Variants in DRC3 observed in about 807,000 individuals in gnomAD.
The protein encoded by DRC3 is leucine rich repeat containing 48.
A neutral mutation model predicts 57.6 loss-of-function variants in DRC3; 45 were observed. The observed-to-expected ratio is 0.78, with a 90% confidence interval of 0.62 to 1.00. DRC3 has a LOEUF of 1.00. Ranked by LOEUF, DRC3 falls within the 50% of genes least tolerant of loss-of-function variation. The pLI is 0.00. For missense variants in DRC3, 655 were observed against 675.2 expected, an observed-to-expected ratio of 0.97 and a Z score of 0.33; for synonymous variants, 257 against 272.3, an observed-to-expected ratio of 0.94 and a Z score of 0.55.
Position 17,997,051 on chromosome 17 carries a change from A to G in DRC3, c.825-409A>G, listed in dbSNP as rs562878842. On this transcript the variant is annotated intron_variant, in intron 8 of 13. Transcript: ENST00000399187. ...CCTCAGTAAGGGTGCCCTTCCAGATAGCACACCAGAGACAGAAACGCACAC... is the reference window on the plus strand; with the variant it reads ...CCTCAGTAAGGGTGCCCTTCCAGATGGCACACCAGAGACAGAAACGCACAC... Among the ~76,000 whole-genome samples the G allele has an allele frequency of 2.6e-5, 4 of 152,224 alleles. No individual in the cohort carries two copies. The East Asian group carries it at 7.7e-4, about 29-fold the overall frequency.
In DRC3 at chr17:18,007,154, G is replaced by A. The variant is rs757403951; in HGVS notation, c.1326+7G>A. On this transcript the variant is annotated splice_region_variant and intron_variant, in intron 12 of 13. Coordinates refer to ENST00000399187, the MANE Select transcript of DRC3 (RefSeq NM_031294.4). ...GCCTAACGACCTGCGCGCGGTAGGC[G>A]GGGCGGGCTGCTCGGAGCCTGACAG... is the stretch of plus-strand genomic sequence containing the variant. The A allele has an allele frequency of 3.0e-6, 3 of 999,234 alleles. No individual in the cohort carries two copies. The highest frequency in any genetic ancestry group is 4.3e-6 in the Non-Finnish European group (3 of 703,912). The allele number at this position is 999,234 out of a possible 1,614,324, so 61.9% of individuals were successfully genotyped here. A position where few individuals can be genotyped will look rare whatever the true frequency, so the allele number is the denominator to read the frequency against.
chr17:18,010,155 C>T (rs1186666724), intron 12 of DRC3, among the ~76,000 whole-genome samples: 4 of 152,232 alleles, frequency 2.6e-5, no homozygotes, highest in African/African-American at 9.6e-5. Flanking sequence ...GACAGGGAGA[C>T]TGCCACAAGA....
chr17:17,977,596 A>G lies in DRC3; in HGVS notation c.-3A>G, dbSNP rs1483590591. On this transcript the variant is annotated 5_prime_UTR_variant, in exon 3 of 14. Transcript: ENST00000399187. ...GTGTTTTTTAGGGAAAACGTGGGGGAAGATGAACCAGCCGTGCAACTCGAT... is the reference window on the plus strand; with the variant it reads ...GTGTTTTTTAGGGAAAACGTGGGGGGAGATGAACCAGCCGTGCAACTCGAT... 5.0e-6 allele frequency: 8 copies of G among 1,613,736 alleles called. No homozygotes were observed. In the South Asian group the frequency reaches 8.8e-5, roughly 18 times the overall value.
chr17:18,004,565 C>A, intron 10 of DRC3, 71 bp downstream of exon 10: 1 of 1,538,932 alleles, frequency 6.5e-7, no homozygotes, highest in Non-Finnish European at 8.8e-7. Flanking sequence ...TGAACTGTAG[C>A]CTTCATGGGC....
intron 10 of DRC3, 186 bp downstream of exon 10, chr17:18,004,680 A>G (rs541636183): frequency 1.6e-6 from 1 of 615,780 alleles, no homozygotes; most frequent in African/African-American, 1.8e-5. Context: ...TTACATTGGA[A>G]GTGATTCTTG....
rs768136853 is a variant in DRC3, at chr17:18,004,455, G to A, written c.1092G>A (p.Ala364=). 21 of 1,611,092 alleles carry A rather than the reference G, an allele frequency of 1.3e-5. No homozygotes were observed. Among genetic ancestry groups the A allele is most frequent in the Admixed American group, 5.0e-5 (3 of 59,616 alleles). Residue 364 remains alanine (A), a synonymous_variant, in exon 10 of 14, where the codon GCG becomes GCA. Transcript: ENST00000399187. ...CSADISELFD[A]LMTLEMQLVE... ...CTGACATCAGTGAGTTGTTCGATGC[G>A]CTCATGACGCTGGAGATGCAGCTGG... is the stretch of plus-strand genomic sequence containing the variant.
Position 17,992,891 on chromosome 17 carries a change from C to T in DRC3, c.571C>T (p.Arg191Trp), listed in dbSNP as rs4584886. 0.37 allele frequency: 598,840 copies of T among 1,613,078 alleles called. 126,421 individuals are homozygous for T. The highest frequency in any genetic ancestry group is 0.87 in the East Asian group (38,867 of 44,878). ...TCCTGACCTCATGTACCTGGACTAC[C>T]GGCGCATTGATGACCACACAGCAAG... ...YLPDLMYLDY[R>W]RIDDHTKKLA... The change falls in exon 6 of 14, where the codon CGG becomes TGG. Residue 191 changes from arginine (R) to tryptophan (W), a missense_variant. Coordinates refer to ENST00000399187, the MANE Select transcript of DRC3 (RefSeq NM_031294.4).
intron 3 of DRC3, among the ~76,000 whole-genome samples, chr17:17,978,654 G>A (rs995050565): frequency 3.3e-5 from 5 of 152,232 alleles, no homozygotes; most frequent in African/African-American, 1.2e-4. Flanking sequence ...AGTCAGGCAT[G>A]GCCCAGGCAC....
At chr17:17,974,309 A>G (rs758656068) in intron 2 of DRC3, among the ~76,000 whole-genome samples, 1 of 152,214 alleles carries the variant, frequency 6.6e-6, no homozygotes, top group African/African-American at 2.4e-5. Context: ...TACTTTTGCA[A>G]TTCTCAGTAC....
chr17:18,001,804 T>G (rs192589210), intron 9 of DRC3, among the ~76,000 whole-genome samples: 1 of 152,146 alleles, frequency 6.6e-6, no homozygotes, highest in Non-Finnish European at 1.5e-5. Flanking sequence ...AATTAAAAAA[T>G]TTTTAAGGTA....
rs377086859 is a variant in DRC3 at position 18,016,786 on chromosome 17, G to A, written c.*115G>A. ...GAGTTGCTGGGCATCTCTCAACCGC[G>A]ATCCCCAACACCATTCTTCCCCCAC... is the stretch of plus-strand genomic sequence containing the variant. On this transcript the variant is annotated 3_prime_UTR_variant, in exon 14 of 14. Coordinates refer to ENST00000399187, the MANE Select transcript of DRC3 (RefSeq NM_031294.4). The A allele has an allele frequency of 2.9e-4, 165 of 574,906 alleles. 1 individual carries two copies. Among genetic ancestry groups the A allele is most frequent in the South Asian group, 2.9e-3 (122 of 42,552 alleles). The allele number at this position is 574,906 out of a possible 1,614,324, so 35.6% of individuals were successfully genotyped here.
chr17:17,994,383 G>A lies in DRC3; in HGVS notation c.676G>A (p.Glu226Lys), dbSNP rs1318719919. ...CCTGATGCAGGCCCAGCTGGAGGAC[G>A]AGCAGGCGCAGCGGGAGGAGCTAGA... ...ENLMQAQLED[E>K]QAQREELEKH... Residue 226 changes from glutamate (E) to lysine (K), a missense_variant, in exon 7 of 14, where the codon GAG (glutamate) becomes AAG (lysine). Transcript: ENST00000399187. 6 of 1,554,404 alleles carry A rather than the reference G, an allele frequency of 3.9e-6. No homozygotes were observed. The highest frequency in any genetic ancestry group is 2.4e-5 in the East Asian group (1 of 41,038).
rs79088211 is a variant in DRC3, at chr17:18,016,414, A to G, written c.1459-144A>G. ...TAATTCCTACCTCAAATATACAGAGATCAGCAGAACCTGGGGAGGCGCTGA... is the reference window on the plus strand; with the variant it reads ...TAATTCCTACCTCAAATATACAGAGGTCAGCAGAACCTGGGGAGGCGCTGA... On this transcript the variant is annotated intron_variant, in intron 13 of 13. Transcript: ENST00000399187. 1.3e-3 allele frequency: 996 copies of G among 784,032 alleles called. 10 individuals are homozygous for G. The African/African-American group carries it at 0.016, about 13-fold the overall frequency. 48.6% of individuals were successfully genotyped at this position (784,032 alleles called of 1,614,324 possible).
chr17:18,013,366 G>C (rs1012674970), intron 12 of DRC3, among the ~76,000 whole-genome samples: 1 of 152,148 alleles, frequency 6.6e-6, no homozygotes, highest in Non-Finnish European at 1.5e-5. Flanking sequence ...CTGCAGCACT[G>C]TTCGCAATAA....
At chr17:17,996,923 C>G (rs932000752) in intron 8 of DRC3, among the ~76,000 whole-genome samples, 1 of 152,156 alleles carries the variant, frequency 6.6e-6, no homozygotes, top group African/African-American at 2.4e-5. Flanking sequence ...AACTGAGGCC[C>G]AGAGAGGTGA....
intron 9 of DRC3, among the ~76,000 whole-genome samples, chr17:18,002,680 G>A (rs772903843): frequency 6.6e-6 from 1 of 152,170 alleles, no homozygotes; most frequent in African/African-American, 2.4e-5. Flanking sequence ...TGTGCACCAG[G>A]TGCTTCCTGT....
intron 5 of DRC3, among the ~76,000 whole-genome samples, chr17:17,991,809 TA>T (rs2043245745): frequency 6.6e-6 from 1 of 152,194 alleles, no homozygotes; most frequent in South Asian, 2.1e-4. Flanking sequence ...CCATTTAATT[TA>T]AGATATTTGT....
rs958276929 is a variant in DRC3, at chr17:18,007,906, G to C, written c.1326+759G>C. ...CCATCGTCCTTGGCCTGGACTGCTT[G>C]CCTCTTTACTGTCCTCTTACAGTCC... On this transcript the variant is annotated intron_variant, in intron 12 of 13. Coordinates refer to ENST00000399187, the MANE Select transcript of DRC3 (RefSeq NM_031294.4). The C allele has an allele frequency of 2.3e-5, 22 of 969,134 alleles. No homozygotes were observed. The African/African-American group carries it at 3.7e-4, about 16-fold the overall frequency. 60.0% of individuals were successfully genotyped at this position (969,134 alleles called of 1,614,324 possible). A position where few individuals can be genotyped will look rare whatever the true frequency, so the allele number is the denominator to read the frequency against.
chr17:18,002,297 A>G (rs1226122466), intron 9 of DRC3, among the ~76,000 whole-genome samples: 8 of 152,228 alleles, frequency 5.3e-5, no homozygotes, highest in Admixed American at 1.3e-4. Context: ...TTTTCTCCAG[A>G]CAGGGTAGCT....
Sources: gnomAD v4.1 joint callset for allele counts (sites outside exome capture counted in the v4.1 genomes callset) on GRCh38, gnomAD v4.1.1 for gene constraint, MANE v1.5 for transcripts, NCBI Gene and HGNC (gene_info 2026-07-23, HGNC 2026-07-21) for gene names.